Variants in TMTC2 observed in about 807,000 individuals in gnomAD.
TMTC2 encodes transmembrane O-mannosyltransferase targeting cadherins 2, also known as protein O-mannosyl-transferase TMTC2.
In TMTC2, 43 loss-of-function variants were observed where a neutral mutation model predicts 82.4. The observed-to-expected ratio is 0.52, with a 90% CI of 0.41 to 0.67. The LOEUF (loss-of-function observed/expected upper bound fraction) is 0.67. Ranked by LOEUF, TMTC2 falls within the 30% of genes least tolerant of loss-of-function variation. TMTC2 has a pLI of 0.00. For missense variants in TMTC2, 919 were observed against 1,012.4 expected (o/e 0.91, Z 1.25); for synonymous variants, 408 against 381.9 (o/e 1.07, Z -0.80).
intron 11 of TMTC2, among the ~76,000 whole-genome samples, chr12:83,120,810 T>C (rs1884924342): frequency 6.6e-6 from 1 of 152,238 alleles, no homozygotes; most frequent in South Asian, 2.1e-4. Flanking sequence ...TTTGGCTGTT[T>C]ACCATAATCC....
At position 82,766,441 on chromosome 12, in the gene TMTC2, C is replaced by T. The variant is rs118126978; in HGVS notation, c.83+78772C>T. Among the ~76,000 whole-genome samples the T allele has an allele frequency of 5.4e-4, 82 of 152,280 alleles. No individual in the cohort carries two copies. In the East Asian group the frequency reaches 0.015, roughly 28 times the overall value. ...CCCCTGAAATGATCCTTCCCAAAGC[C>T]TGGAAGAGTTGACAAACATCTGCCT... On this transcript the variant is annotated intron_variant, in intron 1 of 11. Coordinates refer to ENST00000321196, the MANE Select transcript of TMTC2 (RefSeq NM_152588.3).
intron 3 of TMTC2, among the ~76,000 whole-genome samples, chr12:82,919,809 T>G (rs538366610): frequency 6.6e-6 from 1 of 152,308 alleles, no homozygotes; most frequent in South Asian, 2.1e-4. Context: ...CACACTGATA[T>G]AGGGGTTGGG....
chr12:83,070,909 G>T (rs1883088143), intron 11 of TMTC2, among the ~76,000 whole-genome samples: 2 of 152,106 alleles, frequency 1.3e-5, no homozygotes, highest in South Asian at 4.1e-4. Flanking sequence ...AGTGATGCTG[G>T]ATTTTGTCGA....
intron 4 of TMTC2, among the ~76,000 whole-genome samples, chr12:82,937,747 T>TGTATATATATATATATATAC: frequency 1.5e-5 from 1 of 68,678 alleles, no homozygotes; most frequent in Admixed American, 1.4e-4. Context: ...TGTGTGTGTG[T>TGTATATATATATATATATAC]GTGTATATAT....
chr12:82,894,944 T>C lies in TMTC2; in HGVS notation c.655-874T>C, dbSNP rs191152927. Among the ~76,000 whole-genome samples, 15 of 150,470 alleles carry C rather than the reference T, an allele frequency of 1.0e-4. No individual in the cohort carries two copies. In the East Asian group the frequency reaches 2.5e-3, roughly 26 times the overall value. ...CCTCCTGAGTAGCTGGGACTACAGG[T>C]GCACACCACCATGCCTGGCAATTTT... On this transcript the variant is annotated intron_variant, in intron 2 of 11. Transcript: ENST00000321196.
intron 2 of TMTC2, among the ~76,000 whole-genome samples, chr12:82,866,843 G>T (rs903586705): frequency 5.3e-5 from 8 of 152,156 alleles, no homozygotes; most frequent in African/African-American, 1.9e-4. Flanking sequence ...GTACATTAGA[G>T]ATTCCTTAAA....
At chr12:82,958,241 G>C (rs1330443907) in intron 4 of TMTC2, among the ~76,000 whole-genome samples, 2 of 151,512 alleles carry the variant, frequency 1.3e-5, no homozygotes, top group Admixed American at 6.6e-5. Context: ...GCGCACACCT[G>C]TAGCCCCAGC....
At chr12:82,776,615 GAAAAAAA>G (rs750550745) in intron 1 of TMTC2, among the ~76,000 whole-genome samples, 2 of 87,374 alleles carry the variant, frequency 2.3e-5, no homozygotes, top group Non-Finnish European at 4.8e-5. Flanking sequence ...TGTCTCTAAT[GAAAAAAA>G]AAAAAAAAAA....
intron 1 of TMTC2, among the ~76,000 whole-genome samples, chr12:82,780,274 A>C (rs1469824797): frequency 6.6e-6 from 1 of 152,188 alleles, no homozygotes; most frequent in African/African-American, 2.4e-5. Context: ...AAATGAGGTT[A>C]ACTGACCATT....
In TMTC2 at chr12:82,970,486, C is replaced by A. The variant is rs11115501; in HGVS notation, c.1948+3489C>A. ...AGCTGGGACTACAGGCGCCCGCCAC[C>A]GCGCCCGGCTAATTTTTTTTGTATT... On this transcript the variant is annotated intron_variant, in intron 7 of 11. Transcript: ENST00000321196. Among the ~76,000 whole-genome samples the A allele has an allele frequency of 1.5e-3, 208 of 142,684 alleles. 6 individuals are homozygous for A. The highest frequency in any genetic ancestry group is 5.5e-3 in the African/African-American group (201 of 36,602). 93.6% of individuals were successfully genotyped at this position (142,684 alleles called of 152,430 possible).
chr12:83,016,497 A>G (rs1047153660), intron 8 of TMTC2, among the ~76,000 whole-genome samples: 1 of 152,160 alleles, frequency 6.6e-6, no homozygotes, highest in African/African-American at 2.4e-5. Context: ...ATAATCTTCA[A>G]TTTGATAAGG....
intron 1 of TMTC2, among the ~76,000 whole-genome samples, chr12:82,827,398 T>C (rs567399158): frequency 1.1e-3 from 173 of 152,246 alleles, no homozygotes; most frequent in African/African-American, 4.0e-3. Flanking sequence ...ATGCAATTAG[T>C]AGGGGCCCAA....
At chr12:83,124,881 G>T (rs1885058688) in intron 11 of TMTC2, among the ~76,000 whole-genome samples, 1 of 152,096 alleles carries the variant, frequency 6.6e-6, no homozygotes, top group African/African-American at 2.4e-5. Flanking sequence ...AAGATAGGGA[G>T]AATAACAGGA....
intron 1 of TMTC2, among the ~76,000 whole-genome samples, chr12:82,801,921 A>G (rs961830884): frequency 1.3e-5 from 2 of 152,136 alleles, no homozygotes; most frequent in Non-Finnish European, 2.9e-5. Context: ...TCCCTTAGCT[A>G]GACATAAAGA....
chr12:82,863,922 T>C (rs1448364845), intron 2 of TMTC2, among the ~76,000 whole-genome samples: 9 of 152,036 alleles, frequency 5.9e-5, no homozygotes, highest in Non-Finnish European at 2.9e-5. Context: ...AAGGGAGCCA[T>C]TGAGAATGGT....
chr12:82,872,242 T>C (rs991843290), intron 2 of TMTC2, among the ~76,000 whole-genome samples: 3 of 152,106 alleles, frequency 2.0e-5, no homozygotes, highest in African/African-American at 7.2e-5. Flanking sequence ...ATTCTGAGCT[T>C]GAACATCACA....
Position 82,857,042 on chromosome 12 carries a change from C to G in TMTC2, c.116C>G (p.Pro39Arg), listed in dbSNP as rs866484678. 2 of 1,612,910 alleles carry G rather than the reference C, an allele frequency of 1.2e-6. No individual in the cohort carries two copies. Among genetic ancestry groups the G allele is most frequent in the African/African-American group, 2.7e-5 (2 of 74,868 alleles). ...ATCAAGACTAATCAGGACCTTCTCC[C>G]AGAAACTCCATGGACGCACATTTTC... Reference protein sequence around the residue: ...RAIKTNQDLLPETPWTHIFYN... With the variant: ...RAIKTNQDLLRETPWTHIFYN... Residue 39 changes from proline (P) to arginine (R), a missense_variant, in exon 2 of 12, where the codon CCA becomes CGA. Coordinates refer to ENST00000321196, the MANE Select transcript of TMTC2 (RefSeq NM_152588.3).
At chr12:82,749,226 T>C (rs1333419051) in intron 1 of TMTC2, among the ~76,000 whole-genome samples, 2 of 152,248 alleles carry the variant, frequency 1.3e-5, no homozygotes, top group Admixed American at 6.5e-5. Context: ...TTTATAACCT[T>C]CTTTTCCTGC....
chr12:82,753,427 G>C (rs995971540), intron 1 of TMTC2, among the ~76,000 whole-genome samples: 1 of 149,112 alleles, frequency 6.7e-6, no homozygotes, highest in African/African-American at 2.5e-5. Context: ...TGGTTTTACT[G>C]TGTGGAGGGC....
Sources: gnomAD v4.1 joint callset for allele counts (sites outside exome capture counted in the v4.1 genomes callset) on GRCh38, gnomAD v4.1.1 for gene constraint, MANE v1.5 for transcripts, NCBI Gene and HGNC (gene_info 2026-07-23, HGNC 2026-07-21) for gene names.